PCDHA7: variants seen among roughly 807,000 people sequenced by gnomAD.
The protein encoded by PCDHA7 is protocadherin alpha-7.
A neutral mutation model predicts 57.2 loss-of-function variants in PCDHA7; 37 were observed. The observed-to-expected ratio is 0.65, with a 90% CI of 0.50 to 0.85. The LOEUF (loss-of-function observed/expected upper bound fraction) is 0.85, where lower values mean the gene tolerates loss of function less well. PCDHA7 is among the 40% of genes least tolerant of loss of function. The pLI is 0.00. For missense variants in PCDHA7, 1,188 were observed against 1,241.8 expected (o/e 0.96, Z 0.65); for synonymous variants, 553 against 558.8 (o/e 0.99, Z 0.15).
At chr5:140,999,656 G>A (rs1483832540) in intron 3 of PCDHA7, among the ~76,000 whole-genome samples, 2 of 152,148 alleles carry the variant, frequency 1.3e-5, no homozygotes, top group African/African-American at 4.8e-5. Context: ...CCTGAGCCCT[G>A]CTGGGTTGCG....
Position 140,836,639 on chromosome 5 carries a change from G to T in PCDHA7, c.2256G>T (p.Gln752His). 6.2e-7 allele frequency: 1 copy of T among 1,613,412 alleles called. No individual in the cohort carries two copies. The highest frequency in any genetic ancestry group is 1.6e-4 in the Middle Eastern group (1 of 6,062). Reference sequence around the variant, plus strand: ...CGGTGGGGAGCTGGTCATTCTCCCAGCAGAGGCGGCAGAGGGTGTGCTCTG... The same window carrying T: ...CGGTGGGGAGCTGGTCATTCTCCCATCAGAGGCGGCAGAGGGTGTGCTCTG... ...SSAVGSWSFS[Q>H]QRRQRVCSGE... Residue 752 changes from glutamine to histidine, a missense_variant, in exon 1 of 4, where the codon CAG becomes CAT. Physicochemically the swap from Gln to His is conservative, Grantham distance 24. Coordinates refer to ENST00000525929, the MANE Select transcript of PCDHA7 (RefSeq NM_018910.3).
chr5:140,943,617 T>A (rs2093532711), intron 1 of PCDHA7, among the ~76,000 whole-genome samples: 1 of 152,208 alleles, frequency 6.6e-6, no homozygotes, highest in Non-Finnish European at 1.5e-5. Context: ...TTGATTCATC[T>A]GCATAAGGAA....
intron 1 of PCDHA7, among the ~76,000 whole-genome samples, chr5:140,917,939 G>A (rs1408047210): frequency 6.6e-6 from 1 of 151,830 alleles, no homozygotes; most frequent in African/African-American, 2.4e-5. Context: ...AAATAATATT[G>A]GTAGTTTGAT....
At chr5:140,942,600 T>A (rs943278532) in intron 1 of PCDHA7, among the ~76,000 whole-genome samples, 2 of 132,144 alleles carry the variant, frequency 1.5e-5, no homozygotes, top group African/African-American at 6.2e-5. Flanking sequence ...ATAATTATAG[T>A]GTTTATATTT....
intron 1 of PCDHA7, chr5:140,850,022 A>T (rs2150463810): frequency 4.4e-6 from 7 of 1,596,794 alleles, no homozygotes; most frequent in Non-Finnish European, 6.0e-6. Context: ...GCTACGTGTC[A>T]GTGCACGCGG....
In PCDHA7 at chr5:141,009,929, G is replaced by A; in HGVS notation, c.2806G>A (p.Asp936Asn). The A allele has an allele frequency of 1.2e-6, 2 of 1,603,732 alleles. No individual in the cohort carries two copies. Among genetic ancestry groups the A allele is most frequent in the Non-Finnish European group, 1.7e-6 (2 of 1,176,576 alleles). Residue 936 changes from aspartate to asparagine, a missense_variant, in exon 4 of 4, where the codon GAC (aspartate) becomes AAC (asparagine). Transcript: ENST00000525929. ...AGGGAACAGCACGACTGACAACAGT[G>A]ACCAGTGAGGTCCTCAAATGGAAAC... is the stretch of plus-strand genomic sequence containing the variant. ...EKGNSTTDNSDQ is the reference protein window; with the variant it reads ...EKGNSTTDNSNQ
At chr5:140,866,115 A>G (rs537982409) in intron 1 of PCDHA7, 85 of 152,328 alleles carry the variant, frequency 5.6e-4, no homozygotes, top group African/African-American at 1.9e-3. Flanking sequence ...GAGTTGCCTT[A>G]TAAGAACTAC....
intron 1 of PCDHA7, among the ~76,000 whole-genome samples, chr5:140,945,731 A>G (rs1021363337): frequency 2.6e-5 from 4 of 152,144 alleles, no homozygotes; most frequent in Non-Finnish European, 4.4e-5. Flanking sequence ...TACAATGGAA[A>G]AAGGACAGCC....
chr5:140,881,443 G>T (rs1554172114), intron 1 of PCDHA7: 1 of 818,602 alleles, frequency 1.2e-6, no homozygotes, highest in Non-Finnish European at 1.5e-6. Flanking sequence ...TATAAAAACA[G>T]AATCCAAAAC....
At chr5:140,967,150 C>T (rs1400431511) in intron 1 of PCDHA7, 1 of 1,611,004 alleles carries the variant, frequency 6.2e-7, no homozygotes, top group Non-Finnish European at 8.5e-7. Context: ...CGCACAACCC[C>T]GTGGCGGTGA....
rs782673935 is a variant in PCDHA7 at position 140,857,328 on chromosome 5, G to A, written c.2355+20590G>A. ...GCCTATGAGCTGGTGGTGACCGCGC[G>A]GGACGGGGGCTCGCCTCCGCTGTGG... is the stretch of plus-strand genomic sequence containing the variant. On this transcript the variant is annotated intron_variant, in intron 1 of 3. Transcript: ENST00000525929. 7.5e-6 allele frequency: 12 copies of A among 1,598,502 alleles called. 1 individual carries two copies. The highest frequency in any genetic ancestry group is 1.3e-5 in the African/African-American group (1 of 74,410).
rs2041909016 is a variant in PCDHA7, at chr5:140,850,973, A to G, written c.2355+14235A>G. 2.1e-6 allele frequency: 3 copies of G among 1,455,694 alleles called. No individual in the cohort carries two copies. In the South Asian group the frequency reaches 4.4e-5, roughly 21 times the overall value. 90.2% of individuals were successfully genotyped at this position (1,455,694 alleles called of 1,614,324 possible). A position where few individuals can be genotyped will look rare whatever the true frequency, so the allele number is the denominator to read the frequency against. ...GATTACTCCCAGGGGCCGTTCAAATAGTTTTATTCATTTTTCTAGAAATCC... is the reference window on the plus strand; with the variant it reads ...GATTACTCCCAGGGGCCGTTCAAATGGTTTTATTCATTTTTCTAGAAATCC... On this transcript the variant is annotated intron_variant, in intron 1 of 3. Transcript: ENST00000525929.
At chr5:140,926,296 G>A in intron 1 of PCDHA7, 1 of 152,316 alleles carries the variant, frequency 6.6e-6, no homozygotes, top group Non-Finnish European at 1.5e-5. Context: ...GCTGAGTCCC[G>A]CCCTCTCCGC....
Position 140,836,413 on chromosome 5 carries a change from A to T in PCDHA7, c.2030A>T (p.Lys677Met), listed in dbSNP as rs2150260051. ...VSLVESGQAP[K>M]ASSRASLGIA... ...CTGGTGGAAAGCGGCCAGGCACCAA[A>T]GGCGTCGTCGCGGGCATCGTTGGGC... The change falls in exon 1 of 4, where the codon AAG (lysine) becomes ATG (methionine). Residue 677 changes from lysine (K) to methionine (M), a missense_variant. By Grantham distance (95) the Lys-to-Met change is moderately conservative (BLOSUM62 -1). Coordinates refer to ENST00000525929, the MANE Select transcript of PCDHA7 (RefSeq NM_018910.3). 6.2e-7 allele frequency: 1 copy of T among 1,613,666 alleles called. No individual in the cohort carries two copies. Among genetic ancestry groups the T allele is most frequent in the Non-Finnish European group, 8.5e-7 (1 of 1,179,854 alleles).
intron 1 of PCDHA7, chr5:140,842,788 G>C: frequency 6.3e-7 from 1 of 1,594,522 alleles, no homozygotes; most frequent in Non-Finnish European, 8.6e-7. Context: ...AGAACGCGCT[G>C]GTGTCCTACT....
At chr5:140,845,739 T>A (rs1410365251) in intron 1 of PCDHA7, among the ~76,000 whole-genome samples, 1 of 149,672 alleles carries the variant, frequency 6.7e-6, no homozygotes, top group African/African-American at 2.4e-5. Context: ...TTCTACTTTA[T>A]AGATTTATTT....
intron 3 of PCDHA7, among the ~76,000 whole-genome samples, chr5:140,999,230 G>A (rs2097851745): frequency 6.6e-6 from 1 of 152,194 alleles, no homozygotes; most frequent in Non-Finnish European, 1.5e-5. Flanking sequence ...TTTGAGAATA[G>A]GTGGTTAAAG....
At chr5:140,993,460 T>TCACA (rs1554253699) in intron 3 of PCDHA7, among the ~76,000 whole-genome samples, 76 of 104,564 alleles carry the variant, frequency 7.3e-4, no homozygotes, top group Admixed American at 2.0e-3. Context: ...CTTCTTTCTT[T>TCACA]CTCACACACA....
At chr5:140,882,755 G>T in intron 1 of PCDHA7, 1 of 1,614,230 alleles carries the variant, frequency 6.2e-7, no homozygotes, top group Non-Finnish European at 8.5e-7. Flanking sequence ...TGCAGATATT[G>T]GAGTAAACTC....
Sources: allele counts gnomAD v4.1 joint callset (sites outside exome capture counted in the v4.1 genomes callset), GRCh38; gene constraint gnomAD v4.1.1; transcripts MANE v1.5; gene names NCBI Gene and HGNC (gene_info 2026-07-23, HGNC 2026-07-21).